The following COL4A4 variants were observed in gnomAD, a reference collection of about 807,000 sequenced individuals.
COL4A4 encodes collagen alpha-4(IV) chain.
In COL4A4, 105 loss-of-function variants were observed where a neutral mutation model predicts 192.9. The ratio of observed to expected loss-of-function variants is 0.54; its 90% CI spans 0.46 to 0.64. The LOEUF (loss-of-function observed/expected upper bound fraction) is 0.64, where lower values mean the gene tolerates loss of function less well. COL4A4 is among the 30% of genes least tolerant of loss of function. The pLI is 0.00. For synonymous variants in COL4A4, 762 were observed against 769.9 expected (o/e 0.99, Z 0.17); for missense variants, 1,967 against 2,169.3 (o/e 0.91, Z 1.85).
chr2:226,984,981 C>A, the COL4A4 span, among the ~76,000 whole-genome samples: 480 of 150,382 alleles, frequency 3.2e-3, 1 homozygote, highest in Non-Finnish European at 6.0e-3. Context: ...GGGGCAAGTA[C>A]AAGTGGGGGG....
intron 13 of COL4A4, 31 bp from the exon 14 acceptor site, chr2:227,103,228 AT>A: frequency 6.5e-7 from 1 of 1,534,952 alleles, no homozygotes; most frequent in South Asian, 1.2e-5. Context: ...AATTTGGTCT[AT>A]TCTTATTATT....
At chr2:227,020,080 T>C (rs146150249) in intron 44 of COL4A4, among the ~76,000 whole-genome samples, 5 of 152,342 alleles carry the variant, frequency 3.3e-5, no homozygotes, top group African/African-American at 1.2e-4. Context: ...GGAAAACACA[T>C]CTTACTCATC....
chr2:227,067,306 A>C (rs2058405716), intron 25 of COL4A4, among the ~76,000 whole-genome samples: 1 of 152,146 alleles, frequency 6.6e-6, no homozygotes, highest in Non-Finnish European at 1.5e-5. Flanking sequence ...TAGACAGATC[A>C]ACGAGACAGA....
Position 227,025,809 on chromosome 2 carries a change from AC to A in COL4A4, c.4082del (p.Gly1361ValfsTer27). 1 of 1,613,190 alleles carries A rather than the reference AC, an allele frequency of 6.2e-7. No individual in the cohort carries two copies. Among genetic ancestry groups the A allele is most frequent in the South Asian group, 1.1e-5 (1 of 90,978 alleles). Reference protein sequence around the residue: ...PGRKGPTGLPGPRGEPGPPAD... With the variant: ...PGRKGPTGLPXPRGEPGPPAD... ...TTTTATAGCAAAGCTTACCTCTGGG[AC>A]CTAGAGGGATCCAAAGACAACAAAC... On this transcript the variant is annotated frameshift_variant and splice_region_variant, in exon 43 of 48. Transcript: ENST00000396625. LOFTEE classifies it high-confidence loss of function.
rs75539253 is a variant in COL4A4 at position 227,078,062 on chromosome 2, C to T, written c.1819G>A (p.Ala607Thr). The change falls in exon 25 of 48, where the codon GCG (alanine) becomes ACG (threonine). Residue 607 changes from alanine (A) to threonine (T), a missense_variant. Transcript: ENST00000396625. ...DPGPPGDHED[A>T]TPGGKGFPGP... ...GGAAATCCTTTACCACCTGGGGTCGCATCTTCATGATCCCCCTGGGAATGT... is the reference window on the plus strand; with the variant it reads ...GGAAATCCTTTACCACCTGGGGTCGTATCTTCATGATCCCCCTGGGAATGT... The T allele has an allele frequency of 1.9e-4, 309 of 1,614,006 alleles. 1 individual carries two copies. In the African/African-American group the frequency reaches 4.0e-3, roughly 21 times the overall value.
chr2:227,153,058 G>A (rs931935546), intron 1 of COL4A4, among the ~76,000 whole-genome samples: 2 of 152,104 alleles, frequency 1.3e-5, no homozygotes, highest in Admixed American at 6.6e-5. Context: ...TTACATGGTG[G>A]CAGGCAAGAG....
chr2:227,156,753 C>T (rs1013143249), intron 1 of COL4A4, among the ~76,000 whole-genome samples: 8 of 151,894 alleles, frequency 5.3e-5, no homozygotes, highest in African/African-American at 1.7e-4. Context: ...TAGGCAGTGA[C>T]CCTTGATAAT....
In COL4A4 at chr2:227,114,712, G is replaced by A. The variant is rs908280976; in HGVS notation, c.490-16C>T. 1.9e-6 allele frequency: 3 copies of A among 1,597,446 alleles called. No individual in the cohort carries two copies. Among genetic ancestry groups the A allele is most frequent in the Non-Finnish European group, 2.6e-6 (3 of 1,165,008 alleles). On this transcript the variant is annotated splice_polypyrimidine_tract_variant and intron_variant, in intron 7 of 47. Transcript: ENST00000396625. ...CAGGATGGCCCTGAAAATAAAATATGTATGTACTTAACAGGAAAATAGCAT... is the reference window on the plus strand; with the variant it reads ...CAGGATGGCCCTGAAAATAAAATATATATGTACTTAACAGGAAAATAGCAT...
chr2:227,009,871 T>C (rs1338405036), intron 46 of COL4A4, among the ~76,000 whole-genome samples: 1 of 151,838 alleles, frequency 6.6e-6, no homozygotes, highest in East Asian at 1.9e-4. Flanking sequence ...TGGAGTAGGG[T>C]AGGGAGTTGA....
chr2:227,141,456 G>A (rs902474187), intron 3 of COL4A4, among the ~76,000 whole-genome samples: 12 of 152,216 alleles, frequency 7.9e-5, no homozygotes, highest in South Asian at 2.1e-4. Context: ...ATTCATGTAC[G>A]TATACATATA....
chr2:227,012,045 A>T, intron 45 of COL4A4, 136 bp downstream of exon 45: 1 of 738,066 alleles, frequency 1.4e-6, no homozygotes, highest in East Asian at 2.5e-5. Context: ...TCTGTCTCTG[A>T]TACCTGGTGA....
intron 1 of COL4A4, among the ~76,000 whole-genome samples, chr2:227,149,493 C>A (rs1178304002): frequency 1.3e-5 from 2 of 152,018 alleles, no homozygotes; most frequent in East Asian, 3.9e-4. Context: ...CTGCTAAAAG[C>A]CTAAAACAAA....
chr2:226,983,214 A>G, the COL4A4 span, among the ~76,000 whole-genome samples: 1 of 152,176 alleles, frequency 6.6e-6, no homozygotes, highest in African/African-American at 2.4e-5. Flanking sequence ...CCCAACAGAC[A>G]TTGATCTGGA....
At chr2:227,065,508 C>G (rs997980368) in intron 25 of COL4A4, among the ~76,000 whole-genome samples, 54 of 152,198 alleles carry the variant, frequency 3.5e-4, no homozygotes, top group Non-Finnish European at 6.6e-4. Flanking sequence ...AGCAGTGGTT[C>G]TCCCAGCACA....
intron 3 of COL4A4, among the ~76,000 whole-genome samples, chr2:227,141,808 G>T (rs1266069300): frequency 6.6e-6 from 1 of 151,580 alleles, no homozygotes; most frequent in Non-Finnish European, 1.5e-5. Context: ...CCCTGATAAG[G>T]TTAAAAAAAA....
At chr2:227,134,677 G>T (rs953760385) in intron 4 of COL4A4, among the ~76,000 whole-genome samples, 22 of 152,204 alleles carry the variant, frequency 1.4e-4, no homozygotes, top group African/African-American at 5.1e-4. Flanking sequence ...AGGAGTATAA[G>T]GGATGAGTGA....
At chr2:227,058,054 C>A (rs983468929) in intron 28 of COL4A4, among the ~76,000 whole-genome samples, 27 of 152,058 alleles carry the variant, frequency 1.8e-4, no homozygotes, top group Non-Finnish European at 2.9e-4. Flanking sequence ...TAATTCCACA[C>A]CCTAACCCAA....
intron 26 of COL4A4, among the ~76,000 whole-genome samples, chr2:227,061,985 A>G (rs1049023456): frequency 1.3e-5 from 2 of 152,170 alleles, no homozygotes; most frequent in African/African-American, 4.8e-5. Flanking sequence ...CACACCTGTA[A>G]TCCCAGCACT....
intron 28 of COL4A4, among the ~76,000 whole-genome samples, chr2:227,058,444 T>C (rs1976055346): frequency 6.6e-6 from 1 of 152,252 alleles, no homozygotes; most frequent in Admixed American, 6.5e-5. Context: ...ACTTACATTA[T>C]GTTTCACCTG....
Sources: allele counts gnomAD v4.1 joint callset (sites outside exome capture counted in the v4.1 genomes callset), GRCh38; gene constraint gnomAD v4.1.1; transcripts MANE v1.5; gene names NCBI Gene and HGNC (gene_info 2026-07-23, HGNC 2026-07-21).